OSBPL11: variants seen among roughly 807,000 people sequenced by gnomAD.
OSBPL11 encodes the protein oxysterol-binding protein-related protein 11.
OSBPL11 carries 33 observed loss-of-function variants against 84.4 expected under a neutral mutation model. The observed-to-expected ratio is 0.39, with a 90% CI of 0.30 to 0.52. The LOEUF (loss-of-function observed/expected upper bound fraction) is 0.52, where lower values mean the gene tolerates loss of function less well. Among genes scored for constraint, OSBPL11 ranks in the 20% least tolerant of loss-of-function variants. The pLI is 0.72. For missense variants in OSBPL11, 736 were observed against 901.1 expected, an observed-to-expected ratio of 0.82 and a Z score of 2.35; for synonymous variants, 276 against 310.2, an observed-to-expected ratio of 0.89 and a Z score of 1.16.
chr3:125,563,970 T>G (rs1459515382), intron 6 of OSBPL11, 127 bp from the exon 7 acceptor site: 2 of 962,670 alleles, frequency 2.1e-6, no homozygotes, highest in African/African-American at 1.7e-5. Flanking sequence ...TAAGAGACCC[T>G]GCAAGACAGC....
chr3:125,581,416 C>G (rs1936422634), intron 2 of OSBPL11, among the ~76,000 whole-genome samples: 1 of 151,146 alleles, frequency 6.6e-6, no homozygotes, highest in Admixed American at 6.6e-5. Flanking sequence ...GAACGCTAGG[C>G]CAGACACGGT....
rs767032313 is a variant in OSBPL11 at position 125,552,418 on chromosome 3, A to G, written c.1417T>C (p.Phe473Leu). 2 of 1,614,190 alleles carry G rather than the reference A, an allele frequency of 1.2e-6. No individual in the cohort carries two copies. Among genetic ancestry groups the G allele is most frequent in the South Asian group, 2.2e-5 (2 of 91,090 alleles). ...MPKSEVASSV[F>L]SSSSTQGVTN... ...ACTCCCTGGGTGGAAGAACTGCTAA[A>G]AACACTGGATGCTACCTCGCTTTTT... Residue 473 changes from phenylalanine to leucine, a missense_variant, in exon 9 of 13, where the codon TTT (phenylalanine) becomes CTT (leucine). Physicochemically the swap from Phe to Leu is conservative, Grantham distance 22. Around this residue, in one of 3 missense-constraint regions of OSBPL11, gnomAD observed 579 missense variants for 717.6 expected, o/e 0.81. Coordinates refer to ENST00000296220, the MANE Select transcript of OSBPL11 (RefSeq NM_022776.5).
chr3:125,567,429 T>A lies in OSBPL11; in HGVS notation c.833A>T (p.Gln278Leu). The A allele has an allele frequency of 6.2e-7, 1 of 1,614,170 alleles. No homozygotes were observed. The highest frequency in any genetic ancestry group is 8.5e-7 in the Non-Finnish European group (1 of 1,180,006). ...TGAGCCCTTCTGATGTGATGCATGC[T>A]GTAACTGGAGAATATGAAAGCAGTC... ...LNDCFHILQLQHASHQKGSLP... is the reference protein window; with the variant it reads ...LNDCFHILQLLHASHQKGSLP... Residue 278 changes from glutamine to leucine, a missense_variant, in exon 6 of 13, where the codon CAG becomes CTG. This residue lies in a region of OSBPL11 where 579 missense variants were observed against 717.6 expected (regional missense o/e 0.81). Coordinates refer to ENST00000296220, the MANE Select transcript of OSBPL11 (RefSeq NM_022776.5).
rs569623174 is a variant in OSBPL11 at position 125,551,801 on chromosome 3, G to A, written c.1654+380C>T. ...TCAAAAAAAAGAAAAGAAAACAAAC[G>A]AAAAGAAATATTTAAAATCAGAAAA... On this transcript the variant is annotated intron_variant, in intron 9 of 12. Transcript: ENST00000296220. Among the ~76,000 whole-genome samples the A allele has an allele frequency of 1.1e-4, 17 of 151,666 alleles. No homozygotes were observed. The East Asian group carries it at 3.1e-3, about 28-fold the overall frequency.
chr3:125,580,672 A>C (rs1249056688), intron 2 of OSBPL11, among the ~76,000 whole-genome samples: 2 of 152,154 alleles, frequency 1.3e-5, no homozygotes, highest in African/African-American at 2.4e-5. Context: ...TTTTCCCCAG[A>C]ATTCATTAAC....
At chr3:125,584,314 C>T (rs1366407122) in intron 1 of OSBPL11, among the ~76,000 whole-genome samples, 2 of 151,848 alleles carry the variant, frequency 1.3e-5, no homozygotes, top group Non-Finnish European at 2.9e-5. Context: ...TACAGTGAGC[C>T]GAGACTGCAC....
intron 8 of OSBPL11, among the ~76,000 whole-genome samples, chr3:125,559,792 C>T (rs916876912): frequency 7.2e-5 from 11 of 152,028 alleles, no homozygotes; most frequent in Non-Finnish European, 1.0e-4. Flanking sequence ...CCTCCTGAGA[C>T]GGGTTTCACC....
rs10541213 is a variant in OSBPL11, at chr3:125,552,141, G to GTATATATATATATA, written c.1654+26_1654+39dup. On this transcript the variant is annotated intron_variant, in intron 9 of 12. Transcript: ENST00000296220. ...AAAATACATATATATATGTGTGTGT[G>GTATATATATATATA]TATATATATATATATATATAAAATA... 21 of 872,268 alleles carry GTATATATATATATA rather than the reference G, an allele frequency of 2.4e-5. No homozygotes were observed. In the South Asian group the frequency reaches 3.0e-4, roughly 12 times the overall value. The allele number at this position is 872,268 out of a possible 1,614,324, so 54.0% of individuals were successfully genotyped here.
At chr3:125,567,766 G>A (rs1936181702) in intron 5 of OSBPL11, among the ~76,000 whole-genome samples, 171 bp from the exon 6 acceptor site, 1 of 152,020 alleles carries the variant, frequency 6.6e-6, no homozygotes, top group South Asian at 2.1e-4. Context: ...GCTGAGGTGG[G>A]AAGATAACTT....
intron 1 of OSBPL11, among the ~76,000 whole-genome samples, chr3:125,584,104 C>T (rs761799803): frequency 7.2e-5 from 11 of 152,182 alleles, no homozygotes; most frequent in Non-Finnish European, 1.3e-4. Context: ...GCAGCTCACG[C>T]CTGTAATCCC....
chr3:125,588,042 TA>T (rs954233287), intron 1 of OSBPL11, among the ~76,000 whole-genome samples: 2 of 151,884 alleles, frequency 1.3e-5, no homozygotes, highest in Non-Finnish European at 2.9e-5. Context: ...GCCAACATGG[TA>T]AAACCCTATC....
chr3:125,580,902 T>C (rs371148343), intron 2 of OSBPL11, among the ~76,000 whole-genome samples: 23 of 152,246 alleles, frequency 1.5e-4, no homozygotes, highest in African/African-American at 5.3e-4. Flanking sequence ...ACTTCTCCTG[T>C]TTAAAAATGA....
At chr3:125,554,455 T>A (rs1320708050) in intron 8 of OSBPL11, among the ~76,000 whole-genome samples, 3 of 152,110 alleles carry the variant, frequency 2.0e-5, no homozygotes, top group African/African-American at 7.2e-5. Flanking sequence ...AAATGGCCCA[T>A]CCAGATTATG....
chr3:125,539,210 C>A (rs1935686002), intron 10 of OSBPL11, among the ~76,000 whole-genome samples: 1 of 148,260 alleles, frequency 6.7e-6, no homozygotes, highest in Admixed American at 6.8e-5. Flanking sequence ...TAAAAGAGCA[C>A]TGGTCTACAA....
At chr3:125,585,303 G>C (rs1182211787) in intron 1 of OSBPL11, among the ~76,000 whole-genome samples, 1 of 151,766 alleles carries the variant, frequency 6.6e-6, no homozygotes, top group African/African-American at 2.4e-5. Context: ...CCTAATTTTT[G>C]TATTTTTAGT....
At chr3:125,573,872 CAAAAAAA>C (rs35902125) in intron 5 of OSBPL11, among the ~76,000 whole-genome samples, 15 of 43,522 alleles carry the variant, frequency 3.4e-4, no homozygotes, top group East Asian at 1.8e-3. Context: ...AACTCCGTCT[CAAAAAAA>C]AAAAAAAAAA....
intron 1 of OSBPL11, among the ~76,000 whole-genome samples, chr3:125,583,402 G>A (rs918043099): frequency 5.3e-5 from 8 of 151,504 alleles, no homozygotes; most frequent in African/African-American, 1.5e-4. Flanking sequence ...TCAACATGGC[G>A]AAAACCCATC....
chr3:125,563,974 A>C, intron 6 of OSBPL11, 131 bp from the exon 7 acceptor site: 1 of 916,188 alleles, frequency 1.1e-6, no homozygotes, highest in Non-Finnish European at 1.6e-6. Flanking sequence ...AGACCCTGCA[A>C]GACAGCCACT....
chr3:125,590,610 C>G lies in OSBPL11; in HGVS notation c.164+4027G>C, dbSNP rs994275340. Reference sequence around the variant, plus strand: ...TCATGAGATTGTTTTGTAAATGCCACTGATGCCCTTCCTTTTCCTGATTAT... The same window carrying G: ...TCATGAGATTGTTTTGTAAATGCCAGTGATGCCCTTCCTTTTCCTGATTAT... On this transcript the variant is annotated intron_variant, in intron 1 of 12. Coordinates refer to ENST00000296220, the MANE Select transcript of OSBPL11 (RefSeq NM_022776.5). Among the ~76,000 whole-genome samples the G allele has an allele frequency of 3.2e-4, 49 of 152,142 alleles. 1 individual carries two copies. Among genetic ancestry groups the G allele is most frequent in the Middle Eastern group, 3.2e-3 (1 of 314 alleles).
Sources: allele counts gnomAD v4.1 joint callset (sites outside exome capture counted in the v4.1 genomes callset), GRCh38; gene constraint gnomAD v4.1.1; regional missense constraint gnomAD v4.1.1; transcripts MANE v1.5; gene names NCBI Gene and HGNC (gene_info 2026-07-23, HGNC 2026-07-21).